The following FRMD4A variants were observed in gnomAD, a reference collection of about 807,000 sequenced individuals.
FRMD4A encodes the protein FERM domain containing 4A.
A neutral mutation model predicts 129.1 loss-of-function variants in FRMD4A; 29 were observed. The ratio of observed to expected loss-of-function variants is 0.22; its 90% confidence interval spans 0.17 to 0.31. The LOEUF (loss-of-function observed/expected upper bound fraction) is 0.31, where lower values mean the gene tolerates loss of function less well. FRMD4A is among the 10% of genes least tolerant of loss of function. FRMD4A has a pLI of 1.00. For missense variants in FRMD4A, 1,272 were observed against 1,375.8 expected, an observed-to-expected ratio of 0.92 and a Z score of 1.19; for synonymous variants, 634 against 571.6, an observed-to-expected ratio of 1.11 and a Z score of -1.56.
chr10:13,868,366 A>G (rs1446514629), intron 2 of FRMD4A, among the ~76,000 whole-genome samples: 1 of 152,092 alleles, frequency 6.6e-6, no homozygotes, highest in Non-Finnish European at 1.5e-5. Flanking sequence ...TTGAAGTAAG[A>G]TGACGATGGA....
At chr10:14,189,655 T>G (rs1842256814) in intron 2 of FRMD4A, among the ~76,000 whole-genome samples, 1 of 152,224 alleles carries the variant, frequency 6.6e-6, no homozygotes, top group Non-Finnish European at 1.5e-5. Flanking sequence ...TGTTCTTGTA[T>G]AAATATCCTC....
At chr10:14,119,179 G>A (rs1421196135) in intron 2 of FRMD4A, among the ~76,000 whole-genome samples, 2 of 152,124 alleles carry the variant, frequency 1.3e-5, no homozygotes, top group East Asian at 3.9e-4. Flanking sequence ...CACAGCAGAG[G>A]GTGACTCATT....
At chr10:14,182,389 A>T (rs1841941453) in intron 2 of FRMD4A, among the ~76,000 whole-genome samples, 2 of 152,182 alleles carry the variant, frequency 1.3e-5, no homozygotes, top group Non-Finnish European at 1.5e-5. Flanking sequence ...AAAATAAAAA[A>T]TAATAATAAT....
At chr10:14,319,349 C>CCT (rs10645584) in intron 2 of FRMD4A, among the ~76,000 whole-genome samples, 150 of 136,876 alleles carry the variant, frequency 1.1e-3, no homozygotes, top group Middle Eastern at 3.8e-3. Context: ...ATCTCTCTCT[C>CCT]CTCTCTCTCT....
intron 2 of FRMD4A, among the ~76,000 whole-genome samples, chr10:13,937,643 T>C (rs75888720): frequency 0.017 from 2,633 of 152,288 alleles, 35 homozygotes; most frequent in Non-Finnish European, 0.03. Context: ...TCTTTGGGCA[T>C]CAGTGCTCAT....
chr10:13,776,795 C>T (rs937824457), intron 6 of FRMD4A, among the ~76,000 whole-genome samples: 16 of 152,152 alleles, frequency 1.1e-4, no homozygotes, highest in East Asian at 1.9e-4. Flanking sequence ...CCCAGGCATC[C>T]GGGTATCAGC....
chr10:14,288,599 T>A (rs1435011994), intron 2 of FRMD4A, among the ~76,000 whole-genome samples: 1 of 152,208 alleles, frequency 6.6e-6, no homozygotes, highest in East Asian at 1.9e-4. Context: ...ATTTTTAAAA[T>A]TGTTATTGTG....
intron 2 of FRMD4A, among the ~76,000 whole-genome samples, chr10:14,038,141 T>C (rs1284451448): frequency 1.3e-5 from 2 of 152,030 alleles, no homozygotes; most frequent in Non-Finnish European, 2.9e-5. Flanking sequence ...GCTAACACAG[T>C]GAAACCCCGT....
At chr10:13,972,095 A>G (rs1029257152) in intron 2 of FRMD4A, 13 of 1,116,850 alleles carry the variant, frequency 1.2e-5, no homozygotes, top group Non-Finnish European at 1.4e-5. Flanking sequence ...AATAAACCTC[A>G]GTGTGCAGAT....
At chr10:13,954,387 G>A (rs186804041) in intron 2 of FRMD4A, among the ~76,000 whole-genome samples, 2 of 152,190 alleles carry the variant, frequency 1.3e-5, no homozygotes, top group Admixed American at 6.5e-5. Context: ...GAGCGTGTGC[G>A]GGGGAACTCA....
chr10:13,735,174 C>T (rs1461545908), intron 12 of FRMD4A, among the ~76,000 whole-genome samples: 3 of 152,074 alleles, frequency 2.0e-5, no homozygotes, highest in East Asian at 1.9e-4. Flanking sequence ...CGCCCGGCCA[C>T]AATAACTGTT....
intron 2 of FRMD4A, among the ~76,000 whole-genome samples, chr10:13,931,966 C>A (rs974565167): frequency 4.0e-5 from 6 of 151,870 alleles, no homozygotes; most frequent in African/African-American, 1.4e-4. Context: ...AACCAACCAA[C>A]CAACCAACCA....
At chr10:14,288,222 A>C (rs964605294) in intron 2 of FRMD4A, among the ~76,000 whole-genome samples, 10 of 152,190 alleles carry the variant, frequency 6.6e-5, no homozygotes, top group African/African-American at 1.4e-4. Context: ...TTCACAGTCG[A>C]ACTTCCCAAC....
intron 14 of FRMD4A, among the ~76,000 whole-genome samples, chr10:13,694,806 C>CA (rs1234468506): frequency 6.6e-6 from 1 of 151,038 alleles, no homozygotes; most frequent in Non-Finnish European, 1.5e-5. Flanking sequence ...TGCACCATTG[C>CA]ACCCCAGCCT....
At chr10:13,756,650 C>A (rs540952269) in intron 8 of FRMD4A, among the ~76,000 whole-genome samples, 2 of 152,328 alleles carry the variant, frequency 1.3e-5, no homozygotes, top group African/African-American at 4.8e-5. Flanking sequence ...AAGACGTGAG[C>A]CACCATGCTT....
At chr10:13,732,421 T>G (rs986406012) in intron 12 of FRMD4A, among the ~76,000 whole-genome samples, 6 of 152,152 alleles carry the variant, frequency 3.9e-5, no homozygotes, top group Non-Finnish European at 4.4e-5. Flanking sequence ...GGGTTGCCAA[T>G]GCTGTTGGAG....
chr10:14,010,756 C>T (rs190345084), intron 2 of FRMD4A, among the ~76,000 whole-genome samples: 78 of 147,476 alleles, frequency 5.3e-4, no homozygotes, highest in African/African-American at 1.7e-3. Flanking sequence ...GCAATCTCCT[C>T]GCTTCGGCCC....
At chr10:13,918,313 G>T (rs2095032643) in intron 2 of FRMD4A, among the ~76,000 whole-genome samples, 1 of 152,150 alleles carries the variant, frequency 6.6e-6, no homozygotes, top group Non-Finnish European at 1.5e-5. Context: ...GACGTCTCCA[G>T]TCTAAATGAC....
At chr10:14,219,889 A>G (rs1843192368) in intron 2 of FRMD4A, among the ~76,000 whole-genome samples, 2 of 152,158 alleles carry the variant, frequency 1.3e-5, no homozygotes, top group South Asian at 4.1e-4. Flanking sequence ...GAAACCCTGA[A>G]CTACTTGCTA....
Sources: gnomAD v4.1 joint callset for allele counts (sites outside exome capture counted in the v4.1 genomes callset) on GRCh38, gnomAD v4.1.1 for gene constraint, MANE v1.5 for transcripts, NCBI Gene and HGNC (gene_info 2026-07-23, HGNC 2026-07-21) for gene names.